SMARCA2: variants seen among roughly 807,000 people sequenced by gnomAD.
SMARCA2 encodes SWI/SNF related BAF chromatin remodeling complex subunit ATPase 2.
Under a neutral mutation model 199.8 loss-of-function variants are expected in SMARCA2, and 61 were observed. That is an observed-to-expected ratio of 0.31 (90% CI 0.25 to 0.38). The LOEUF is 0.38. Ranked by LOEUF, SMARCA2 falls within the 10% of genes least tolerant of loss-of-function variation. SMARCA2 has a pLI of 1.00. For missense variants in SMARCA2, 1,344 were observed against 2,012.2 expected, an observed-to-expected ratio of 0.67 and a Z score of 6.35; for synonymous variants, 935 against 732.0, an observed-to-expected ratio of 1.28 and a Z score of -4.48.
At chr9:2,078,199 T>C (rs1821409267) in intron 14 of SMARCA2, among the ~76,000 whole-genome samples, 1 of 152,180 alleles carries the variant, frequency 6.6e-6, no homozygotes, top group Non-Finnish European at 1.5e-5. Flanking sequence ...AGGCCAGGCA[T>C]GGTGGCTCAC....
intron 21 of SMARCA2, 77 bp downstream of exon 21, chr9:2,097,548 G>GAAA: frequency 4.1e-6 from 3 of 731,478 alleles, no homozygotes; most frequent in South Asian, 2.0e-5. Flanking sequence ...AAACAAACAG[G>GAAA]AAAAAAAAAA....
chr9:2,107,289 G>A (rs1254894969), intron 23 of SMARCA2, among the ~76,000 whole-genome samples: 1 of 152,048 alleles, frequency 6.6e-6, no homozygotes, highest in Non-Finnish European at 1.5e-5. Flanking sequence ...TTTATAATTT[G>A]TCAAGTTCCC....
Position 2,065,167 on chromosome 9 carries a change from A to G in SMARCA2, c.1692+4181A>G, listed in dbSNP as rs1820779628. On this transcript the variant is annotated intron_variant, in intron 9 of 33. Transcript: ENST00000349721. Reference sequence around the variant, plus strand: ...GCCACTGCACTCCAGCCTGGGCGACAGAGCGAGACTCTGTCTCAAAAAAAA... The same window carrying G: ...GCCACTGCACTCCAGCCTGGGCGACGGAGCGAGACTCTGTCTCAAAAAAAA... 2.6e-5 allele frequency among the ~76,000 whole-genome samples: 4 copies of G among 152,178 alleles called. No individual in the cohort carries two copies. The South Asian group carries it at 8.3e-4, about 32-fold the overall frequency.
At position 2,086,638 on chromosome 9, in the gene SMARCA2, T is replaced by C. The variant is rs1022470810; in HGVS notation, c.2527-191T>C. On this transcript the variant is annotated intron_variant, in intron 17 of 33. Coordinates refer to ENST00000349721, the MANE Select transcript of SMARCA2 (RefSeq NM_003070.5). The surrounding 1 kb of genome is among the most constrained non-coding windows in gnomAD (Gnocchi z 4.3). ...AAGGAACATTGTTCCTTTAACATTCTATTATTATAGGATGTCTTATGCGGC... is the reference window on the plus strand; with the variant it reads ...AAGGAACATTGTTCCTTTAACATTCCATTATTATAGGATGTCTTATGCGGC... 2.0e-5 allele frequency among the ~76,000 whole-genome samples: 3 copies of C among 152,242 alleles called. No individual in the cohort carries two copies. Among genetic ancestry groups the C allele is most frequent in the Admixed American group, 1.3e-4 (2 of 15,286 alleles).
intron 27 of SMARCA2, among the ~76,000 whole-genome samples, chr9:2,124,212 A>G (rs1007672861): frequency 1.3e-5 from 2 of 152,372 alleles, no homozygotes; most frequent in Non-Finnish European, 2.9e-5. Flanking sequence ...GAAGCACAGG[A>G]TTATGAGAGC....
chr9:2,088,260 C>T (rs968368046), intron 18 of SMARCA2, among the ~76,000 whole-genome samples: 21 of 152,140 alleles, frequency 1.4e-4, no homozygotes, highest in African/African-American at 4.8e-4. Context: ...TGGTGGCTTC[C>T]GGGCTCTTTT....
intron 21 of SMARCA2, 77 bp downstream of exon 21, chr9:2,097,548 G>A (rs1822322978): frequency 3.3e-5 from 24 of 731,488 alleles, no homozygotes; most frequent in South Asian, 7.8e-5. Flanking sequence ...AAACAAACAG[G>A]AAAAAAAAAA....
intron 24 of SMARCA2, among the ~76,000 whole-genome samples, chr9:2,112,585 C>T (rs1823052692): frequency 6.6e-6 from 1 of 151,828 alleles, no homozygotes; most frequent in Non-Finnish European, 1.5e-5. Context: ...TACATGGGAA[C>T]TAAAGCTTTG....
At chr9:2,108,479 T>C (rs1234670186) in intron 23 of SMARCA2, among the ~76,000 whole-genome samples, 1 of 152,218 alleles carries the variant, frequency 6.6e-6, no homozygotes, top group African/African-American at 2.4e-5. Flanking sequence ...TGGTTCATTT[T>C]CAGTTAATCA....
chr9:2,054,089 A>G (rs1037304689), intron 5 of SMARCA2, among the ~76,000 whole-genome samples: 2 of 152,216 alleles, frequency 1.3e-5, no homozygotes, highest in African/African-American at 2.4e-5. Context: ...TTTCTGTGGC[A>G]TCAGCACCTA....
At position 2,170,866 on chromosome 9, in the gene SMARCA2, C is replaced by T. The variant is rs905042884; in HGVS notation, c.4253+394C>T. 2.0e-5 allele frequency among the ~76,000 whole-genome samples: 3 copies of T among 152,202 alleles called. No individual in the cohort carries two copies. The highest frequency in any genetic ancestry group is 2.9e-5 in the Non-Finnish European group (2 of 68,040). The stretch of plus-strand genomic sequence containing the variant: ...GGTTTAGAAGCTTAATGCGAAGCAC[C>T]TGTAGTGACTTGATCTCCTGCGAGA... On this transcript the variant is annotated intron_variant, in intron 29 of 33. Coordinates refer to ENST00000349721, the MANE Select transcript of SMARCA2 (RefSeq NM_003070.5). The surrounding 1 kb of genome is among the most constrained non-coding windows in gnomAD (Gnocchi z 4.7).
Position 2,081,961 on chromosome 9 carries a change from C to G in SMARCA2, c.2314C>G (p.Leu772Val), listed in dbSNP as rs1300915778. Residue 772 changes from leucine (L) to valine (V), a missense_variant, in exon 15 of 34, where the codon CTC becomes GTC. By Grantham distance (32) the Leu-to-Val change is conservative (BLOSUM62 1). Transcript: ENST00000349721. ...LITYLMEHKR[L>V]NGPYLIIVPL... ...CACTTATCTGATGGAGCACAAAAGA[C>G]TCAATGGCCCCTATCTCATCATTGT... 6.2e-7 allele frequency: 1 copy of G among 1,613,940 alleles called. No individual in the cohort carries two copies. Among genetic ancestry groups the G allele is most frequent in the Admixed American group, 1.7e-5 (1 of 59,998 alleles).
intron 1 of SMARCA2, among the ~76,000 whole-genome samples, chr9:2,018,525 A>T (rs982523141): frequency 2.0e-5 from 3 of 152,258 alleles, no homozygotes; most frequent in Non-Finnish European, 2.9e-5. Flanking sequence ...GACATTAAGG[A>T]TACACAGTTT....
chr9:2,174,593 C>A (rs1039563089), intron 29 of SMARCA2, among the ~76,000 whole-genome samples: 5 of 152,098 alleles, frequency 3.3e-5, no homozygotes, highest in African/African-American at 1.2e-4. Context: ...CGCAATTCAG[C>A]CAAAAGCTTT....
At chr9:2,045,585 T>C (rs192125614) in intron 4 of SMARCA2, 321 of 152,246 alleles carry the variant, frequency 2.1e-3, no homozygotes, top group African/African-American at 7.4e-3. Context: ...ATGCATTACA[T>C]AAAGGACCTT....
rs764614129 is a variant in SMARCA2, at chr9:2,104,111, C to T, written c.3234C>T (p.Leu1078=). 3 of 1,614,102 alleles carry T rather than the reference C, an allele frequency of 1.9e-6. No individual in the cohort carries two copies. Among genetic ancestry groups the T allele is most frequent in the African/African-American group, 2.7e-5 (2 of 75,030 alleles). ...RVLLFCQMTS[L]MTIMEDYFAF... The stretch of plus-strand genomic sequence containing the variant: ...TGCTTTTCTGCCAGATGACATCTCT[C>T]ATGACCATCATGGAGGATTATTTTG... The change falls in exon 23 of 34, where the codon CTC becomes CTT. Residue 1078 remains leucine, a synonymous_variant. Transcript: ENST00000349721. This position sits in a 1 kb window ranked among gnomAD's most constrained non-coding sequence, Gnocchi z 4.0.
chr9:2,029,661 C>T (rs1267049415), intron 2 of SMARCA2, among the ~76,000 whole-genome samples: 2 of 152,058 alleles, frequency 1.3e-5, no homozygotes, highest in Non-Finnish European at 2.9e-5. Context: ...AAATTAGATC[C>T]CAAAGAGTAG....
intron 28 of SMARCA2, among the ~76,000 whole-genome samples, chr9:2,166,356 C>G (rs1825929531): frequency 6.6e-6 from 1 of 152,112 alleles, no homozygotes; most frequent in Non-Finnish European, 1.5e-5. Context: ...GGTGTGTTTA[C>G]TTTTTCCAGC....
In SMARCA2 at chr9:2,119,531, T is replaced by C; in HGVS notation, c.3758T>C (p.Phe1253Ser). ...CGACGAGAAGAAGAATTTGACCTTTTTATGGTAATGTTACAGAAAATCATG... is the reference window on the plus strand; with the variant it reads ...CGACGAGAAGAAGAATTTGACCTTTCTATGGTAATGTTACAGAAAATCATG... Reference protein sequence around the residue: ...IARREEEFDLFMRMDMDRRRE... With the variant: ...IARREEEFDLSMRMDMDRRRE... Residue 1253 changes from phenylalanine (F) to serine (S), a missense_variant, in exon 26 of 34, where the codon TTT becomes TCT. This residue lies in a region of SMARCA2 where 63 missense variants were observed against 83.3 expected (regional missense o/e 0.76). Coordinates refer to ENST00000349721, the MANE Select transcript of SMARCA2 (RefSeq NM_003070.5). This position sits in a 1 kb window ranked among gnomAD's most constrained non-coding sequence, Gnocchi z 4.6. The C allele has an allele frequency of 6.2e-7, 1 of 1,605,106 alleles. No individual in the cohort carries two copies. The highest frequency in any genetic ancestry group is 2.2e-5 in the East Asian group (1 of 44,838).
Sources: allele counts gnomAD v4.1 joint callset (sites outside exome capture counted in the v4.1 genomes callset), GRCh38; gene constraint gnomAD v4.1.1; regional missense constraint gnomAD v4.1.1; non-coding constraint Gnocchi (gnomAD v3.1); transcripts MANE v1.5; gene names NCBI Gene and HGNC (gene_info 2026-07-23, HGNC 2026-07-21).